Variants in DNMT3A observed in about 807,000 individuals in gnomAD.
DNMT3A encodes DNA (cytosine-5)-methyltransferase 3A.
DNMT3A carries 267 observed loss-of-function variants against 117.6 expected under a neutral mutation model. That is an observed-to-expected ratio of 2.27 (90% CI 2.05 to 2.51). DNMT3A has a LOEUF of 2.51. Among genes scored for constraint, DNMT3A ranks in the 30% most tolerant of loss-of-function variants. The probability of loss-of-function intolerance (pLI) is 0.00; values close to 1 mark genes in which losing one functional copy is unlikely to be tolerated. For synonymous variants in DNMT3A, 432 were observed against 474.8 expected (o/e 0.91, Z 1.17); for missense variants, 1,029 against 1,260.2 (o/e 0.82, Z 2.78).
At chr2:25,300,712 AAT>A (rs3039391) in intron 2 of DNMT3A, among the ~76,000 whole-genome samples, 63 of 18,812 alleles carry the variant, frequency 3.3e-3, no homozygotes, top group Non-Finnish European at 3.9e-3. Context: ...TAAATAATAT[AAT>A]ATATATATAT....
Position 25,247,055 on chromosome 2 carries a change from AG to A in DNMT3A, c.1117del (p.Leu373CysfsTer34). ...GCTCCCAGCAGGGACACTCACCTGC[AG>A]GACCTCGTAGATGGCTTTGCGGTAC... ...PMYRKAIYEV[L>X]QVASSRAGKL... On this transcript the variant is annotated frameshift_variant, in exon 9 of 23. Transcript: ENST00000321117. LOFTEE classifies it high-confidence loss of function. This position sits in a 1 kb window ranked among gnomAD's most constrained non-coding sequence, Gnocchi z 5.6. The A allele has an allele frequency of 6.2e-7, 1 of 1,613,892 alleles. No homozygotes were observed. Among genetic ancestry groups the A allele is most frequent in the Non-Finnish European group, 8.5e-7 (1 of 1,179,886 alleles).
chr2:25,254,508 C>T lies in DNMT3A; in HGVS notation c.640-6256G>A, dbSNP rs1573363920. ...GCAAACAAACAAAAACACAGGCCCT[C>T]TTCTGTTCCAACCCATCTTTCAACC... On this transcript the variant is annotated intron_variant, in intron 6 of 22. Coordinates refer to ENST00000321117, the MANE Select transcript of DNMT3A (RefSeq NM_022552.5). The surrounding 1 kb of genome is among the most constrained non-coding windows in gnomAD (Gnocchi z 4.7). 6.6e-6 allele frequency among the ~76,000 whole-genome samples: 1 copy of T among 152,268 alleles called. No individual in the cohort carries two copies. Among genetic ancestry groups the T allele is most frequent in the African/African-American group, 2.4e-5 (1 of 41,558 alleles).
chr2:25,246,486 A>G, intron 10 of DNMT3A, 134 bp downstream of exon 10: 1 of 1,451,984 alleles, frequency 6.9e-7, no homozygotes, highest in Non-Finnish European at 9.2e-7. Context: ...CCCCAGGGCA[A>G]GAGAGACCCC....
chr2:25,313,615 C>A (rs2034241561), intron 2 of DNMT3A, among the ~76,000 whole-genome samples: 1 of 152,218 alleles, frequency 6.6e-6, no homozygotes, highest in Non-Finnish European at 1.5e-5. Flanking sequence ...GGTTCTGGGA[C>A]TCTCTGTGAG....
rs2149307712 is a variant in DNMT3A at position 25,247,658 on chromosome 2, G to A, written c.947C>T (p.Thr316Met). Residue 316 changes from threonine (T) to methionine (M), a missense_variant, in exon 8 of 23, where the codon ACG becomes ATG. Thr to Met is a moderately conservative substitution (Grantham distance 81, BLOSUM62 -1). Transcript: ENST00000321117. The surrounding 1 kb of genome is among the most constrained non-coding windows in gnomAD (Gnocchi z 5.6). ...WPGRIVSWWM[T>M]GRSRAAEGTR... ...GCCTTCAGCTGCTCGGCTCCGGCCC[G>A]TCATCCACCAAGACACAATGCGGCC... 2 of 1,613,896 alleles carry A rather than the reference G, an allele frequency of 1.2e-6. No individual in the cohort carries two copies. The highest frequency in any genetic ancestry group is 1.7e-6 in the Non-Finnish European group (2 of 1,180,018).
chr2:25,302,063 G>A (rs184043902), intron 2 of DNMT3A, among the ~76,000 whole-genome samples: 16 of 152,264 alleles, frequency 1.1e-4, no homozygotes, highest in African/African-American at 3.6e-4. Context: ...ATGTCTGCAG[G>A]GCAGACCATC....
chr2:25,246,548 A>C (rs994479720), intron 10 of DNMT3A, 72 bp downstream of exon 10: 21 of 1,551,390 alleles, frequency 1.4e-5, no homozygotes, highest in Non-Finnish European at 1.8e-5. Flanking sequence ...CTCCCTAAGC[A>C]TGGCTTTCCC....
At chr2:25,314,874 C>A (rs2034306441) in intron 1 of DNMT3A, among the ~76,000 whole-genome samples, 1 of 152,232 alleles carries the variant, frequency 6.6e-6, no homozygotes, top group African/African-American at 2.4e-5. Flanking sequence ...ACCCACACGG[C>A]TGAGTTTAGG....
chr2:25,325,275 AG>A (rs2034742785), intron 1 of DNMT3A, among the ~76,000 whole-genome samples: 1 of 152,202 alleles, frequency 6.6e-6, no homozygotes, highest in Admixed American at 6.5e-5. Context: ...AGCCCTGTCT[AG>A]GGGTCACACG....
intron 13 of DNMT3A, among the ~76,000 whole-genome samples, chr2:25,244,871 A>G (rs1674551310): frequency 6.6e-6 from 1 of 152,158 alleles, no homozygotes. Context: ...CCTGAGAACA[A>G]GGCCAGGGAG....
intron 6 of DNMT3A, among the ~76,000 whole-genome samples, chr2:25,261,511 G>A (rs1288339355): frequency 6.7e-6 from 1 of 150,204 alleles, no homozygotes; most frequent in Non-Finnish European, 1.5e-5. Flanking sequence ...GGAGGCTGAG[G>A]TGGGAGGATT....
chr2:25,263,195 C>A (rs946737921), intron 6 of DNMT3A, among the ~76,000 whole-genome samples: 6 of 152,110 alleles, frequency 3.9e-5, no homozygotes, highest in African/African-American at 1.4e-4. Flanking sequence ...TTTGGTCTCC[C>A]AAAGTGCTGG....
chr2:25,241,896 CTG>C, intron 16 of DNMT3A, 189 bp from the exon 17 acceptor site: 1 of 691,090 alleles, frequency 1.4e-6, no homozygotes, highest in Non-Finnish European at 2.3e-6. Flanking sequence ...CATCGAGGCT[CTG>C]TCTCATGCCT....
At chr2:25,276,023 C>A (rs545562177) in intron 4 of DNMT3A, among the ~76,000 whole-genome samples, 3 of 152,260 alleles carry the variant, frequency 2.0e-5, no homozygotes. Context: ...TTTGCAGAGG[C>A]CTTCTGGGCA....
chr2:25,301,194 G>T (rs1186958988), intron 2 of DNMT3A, among the ~76,000 whole-genome samples: 1 of 151,690 alleles, frequency 6.6e-6, no homozygotes, highest in Non-Finnish European at 1.5e-5. Flanking sequence ...GCTTGAACCT[G>T]GGAGGCAGAG....
rs897787782 is a variant in DNMT3A at position 25,296,527 on chromosome 2, C to T, written c.177+3612G>A. Among the ~76,000 whole-genome samples, 1 of 152,108 alleles carries T rather than the reference C, an allele frequency of 6.6e-6. No homozygotes were observed. The highest frequency in any genetic ancestry group is 2.4e-5 in the African/African-American group (1 of 41,406). On this transcript the variant is annotated intron_variant, in intron 3 of 22. Transcript: ENST00000321117. The surrounding 1 kb of genome is among the most constrained non-coding windows in gnomAD (Gnocchi z 4.2). ...GGGGGGTTCCTGAAGAAGGACGTGC[C>T]GGTGCTACATTTACTGTGATTATGT...
At chr2:25,301,266 CA>C (rs57731656) in intron 2 of DNMT3A, among the ~76,000 whole-genome samples, 68,318 of 144,748 alleles carry the variant, frequency 0.47, 16,022 homozygotes, top group African/African-American at 0.57. Flanking sequence ...GAGACTGTCT[CA>C]AAAAAAAAAA....
intron 6 of DNMT3A, among the ~76,000 whole-genome samples, chr2:25,261,955 G>C (rs1316063505): frequency 6.6e-6 from 1 of 152,132 alleles, no homozygotes. Context: ...GGGAGGCCAA[G>C]GTGGGCAGAT....
chr2:25,326,878 T>A (rs1425244927), intron 1 of DNMT3A, among the ~76,000 whole-genome samples: 2 of 152,194 alleles, frequency 1.3e-5, no homozygotes, highest in Non-Finnish European at 2.9e-5. Context: ...CAGGAGCTTC[T>A]CCCAGCACTC....
Sources: allele counts gnomAD v4.1 joint callset (sites outside exome capture counted in the v4.1 genomes callset), GRCh38; gene constraint gnomAD v4.1.1; non-coding constraint Gnocchi (gnomAD v3.1); transcripts MANE v1.5; gene names NCBI Gene and HGNC (gene_info 2026-07-23, HGNC 2026-07-21).